Variants in KSR2 observed in about 807,000 individuals in gnomAD.
KSR2 encodes kinase suppressor of ras 2.
KSR2 carries 25 observed loss-of-function variants against 107.8 expected under a neutral mutation model. The observed-to-expected ratio is 0.23, with a 90% CI of 0.17 to 0.32. KSR2 has a LOEUF of 0.32. KSR2 is among the 10% of genes least tolerant of loss of function. KSR2 has a pLI of 1.00. For synonymous variants in KSR2, 480 were observed against 507.0 expected (o/e 0.95, Z 0.71); for missense variants, 887 against 1,268.9 (o/e 0.70, Z 4.57).
At chr12:117,613,641 G>A (rs929882273) in intron 5 of KSR2, among the ~76,000 whole-genome samples, 2 of 152,208 alleles carry the variant, frequency 1.3e-5, no homozygotes, top group Non-Finnish European at 2.9e-5. Context: ...GTCACTGGAA[G>A]ACAGGATGTA....
chr12:117,924,914 C>T (rs1345307207), intron 1 of KSR2, among the ~76,000 whole-genome samples: 1 of 152,068 alleles, frequency 6.6e-6, no homozygotes, highest in Non-Finnish European at 1.5e-5. Context: ...GTGGTAGTAG[C>T]TTTCTGTAAC....
Position 117,855,596 on chromosome 12 carries a change from G to T in KSR2, c.322-18C>A. 6.2e-7 allele frequency: 1 copy of T among 1,613,706 alleles called. No individual in the cohort carries two copies. Among genetic ancestry groups the T allele is most frequent in the Non-Finnish European group, 8.5e-7 (1 of 1,179,732 alleles). On this transcript the variant is annotated intron_variant, in intron 2 of 19. Coordinates refer to ENST00000339824, the MANE Select transcript of KSR2 (RefSeq NM_173598.6). ...GAGATTTCCTAGAGGAGGGGAGAAG[G>T]ATTGTCAACCGTGGGGCAGGAACAG...
At chr12:117,519,760 AGAG>A (rs1188077675) in intron 14 of KSR2, among the ~76,000 whole-genome samples, 1 of 151,352 alleles carries the variant, frequency 6.6e-6, no homozygotes, top group African/African-American at 2.5e-5. Context: ...TATATATAGA[AGAG>A]GAGCGAGTGT....
chr12:117,469,110 A>C (rs1472668675), intron 19 of KSR2, among the ~76,000 whole-genome samples: 1 of 152,186 alleles, frequency 6.6e-6, no homozygotes, highest in African/African-American at 2.4e-5. Context: ...TCTCAGATAG[A>C]GCTACTGATC....
rs1871099269 is a variant in KSR2, at chr12:117,465,452, A to C, written c.*1747T>G. On this transcript the variant is annotated 3_prime_UTR_variant, in exon 20 of 20. Coordinates refer to ENST00000339824, the MANE Select transcript of KSR2 (RefSeq NM_173598.6). ...AATTCAGGAGGGCCCTTTGGGAAAC[A>C]CAGGGGTTTCCTGTAGCCAGGCTCC... 6.6e-6 allele frequency: 1 copy of C among 152,174 alleles called. No homozygotes were observed. Among genetic ancestry groups the C allele is most frequent in the Non-Finnish European group, 1.5e-5 (1 of 68,050 alleles). 9.4% of individuals were successfully genotyped at this position (152,174 alleles called of 1,614,324 possible). A position where few individuals can be genotyped will look rare whatever the true frequency, so the allele number is the denominator to read the frequency against.
chr12:117,726,112 G>A (rs910759488), intron 4 of KSR2, among the ~76,000 whole-genome samples: 4 of 152,014 alleles, frequency 2.6e-5, no homozygotes, highest in African/African-American at 9.7e-5. Flanking sequence ...AGGTTGCCGT[G>A]AGCCCAGATA....
intron 1 of KSR2, among the ~76,000 whole-genome samples, chr12:117,886,632 T>C (rs1894185743): frequency 6.6e-6 from 1 of 152,160 alleles, no homozygotes; most frequent in Non-Finnish European, 1.5e-5. Context: ...CACCTAACAA[T>C]GCATTTCTCA....
chr12:117,834,612 C>G (rs1334062279), intron 3 of KSR2, among the ~76,000 whole-genome samples: 1 of 152,162 alleles, frequency 6.6e-6, no homozygotes, highest in Admixed American at 6.5e-5. Flanking sequence ...GGTTTATTCT[C>G]CTAGAAAACT....
At chr12:117,918,288 C>G (rs549016731) in intron 1 of KSR2, among the ~76,000 whole-genome samples, 2 of 152,278 alleles carry the variant, frequency 1.3e-5, no homozygotes, top group South Asian at 2.1e-4. Context: ...AAACATGTCT[C>G]TAATCTGCCA....
intron 1 of KSR2, among the ~76,000 whole-genome samples, chr12:117,963,283 T>C (rs951534256): frequency 3.3e-5 from 5 of 152,094 alleles, no homozygotes; most frequent in African/African-American, 1.2e-4. Flanking sequence ...TGATAAAAAT[T>C]GCAGGGTCCA....
At chr12:117,733,693 G>A (rs149786990) in intron 4 of KSR2, among the ~76,000 whole-genome samples, 10 of 152,224 alleles carry the variant, frequency 6.6e-5, no homozygotes, top group African/African-American at 2.4e-4. Flanking sequence ...TGGCTCACTA[G>A]AATGTTTTAG....
chr12:117,592,547 A>G (rs985210913), intron 5 of KSR2, among the ~76,000 whole-genome samples: 1 of 152,218 alleles, frequency 6.6e-6, no homozygotes, highest in African/African-American at 2.4e-5. Context: ...TCTCCCAGTG[A>G]GAAATGCGAA....
rs1234769673 is a variant in KSR2, at chr12:117,465,690, A to G, written c.*1509T>C. 6.6e-6 allele frequency: 1 copy of G among 152,152 alleles called. No homozygotes were observed. The highest frequency in any genetic ancestry group is 1.5e-5 in the Non-Finnish European group (1 of 68,050). 9.4% of individuals were successfully genotyped at this position (152,152 alleles called of 1,614,324 possible). A position where few individuals can be genotyped will look rare whatever the true frequency, so the allele number is the denominator to read the frequency against. On this transcript the variant is annotated 3_prime_UTR_variant, in exon 20 of 20. Coordinates refer to ENST00000339824, the MANE Select transcript of KSR2 (RefSeq NM_173598.6). ...TGCCTGGATAGATAGTAGCTACAAG[A>G]AAACTAAGGCCCAGGTAGTACCCAG... is the stretch of plus-strand genomic sequence containing the variant.
chr12:117,855,079 G>C (rs1893054679), intron 3 of KSR2, among the ~76,000 whole-genome samples: 1 of 151,974 alleles, frequency 6.6e-6, no homozygotes. Flanking sequence ...TTAGAAGCTA[G>C]ACATTGACCC....
chr12:117,820,922 GT>G (rs1891541781), intron 3 of KSR2, among the ~76,000 whole-genome samples: 1 of 152,126 alleles, frequency 6.6e-6, no homozygotes, highest in African/African-American at 2.4e-5. Context: ...CTGAGTCTCT[GT>G]TTCTGAGGTT....
At chr12:117,601,297 G>C (rs963632226) in intron 5 of KSR2, among the ~76,000 whole-genome samples, 1 of 30,690 alleles carries the variant, frequency 3.3e-5, no homozygotes, top group South Asian at 2.3e-3. Flanking sequence ...CAAGATCTTG[G>C]GGGGGGGGGT....
At chr12:117,758,437 C>T (rs1205792521) in intron 4 of KSR2, among the ~76,000 whole-genome samples, 2 of 152,154 alleles carry the variant, frequency 1.3e-5, no homozygotes, top group African/African-American at 4.8e-5. Flanking sequence ...ACGGCATTTT[C>T]CACATCACCA....
At chr12:117,553,079 A>G (rs1380366994) in intron 9 of KSR2, among the ~76,000 whole-genome samples, 1 of 152,224 alleles carries the variant, frequency 6.6e-6, no homozygotes, top group African/African-American at 2.4e-5. Context: ...CATTTTACCT[A>G]CGGGAAAACT....
intron 14 of KSR2, chr12:117,517,872 A>G (rs1265479916): frequency 2.2e-6 from 1 of 456,076 alleles, no homozygotes; most frequent in Non-Finnish European, 4.4e-6. Flanking sequence ...AACAAAAATT[A>G]GAAAGACCAC....
Sources: gnomAD v4.1 joint callset for allele counts (sites outside exome capture counted in the v4.1 genomes callset) on GRCh38, gnomAD v4.1.1 for gene constraint, MANE v1.5 for transcripts, NCBI Gene and HGNC (gene_info 2026-07-23, HGNC 2026-07-21) for gene names.